Variants in DENND11 observed in about 807,000 individuals in gnomAD.
DENND11 encodes DENN domain containing 11.
A neutral mutation model predicts 49.2 loss-of-function variants in DENND11; 34 were observed. The ratio of observed to expected loss-of-function variants is 0.69; its 90% CI spans 0.53 to 0.92. The LOEUF (loss-of-function observed/expected upper bound fraction) is 0.92. DENND11 is among the 40% of genes least tolerant of loss of function. The pLI is 0.00. For missense variants in DENND11, 475 were observed against 581.6 expected, an observed-to-expected ratio of 0.82 and a Z score of 1.88; for synonymous variants, 238 against 230.3, an observed-to-expected ratio of 1.03 and a Z score of -0.30.
Position 141,670,801 on chromosome 7 carries a change from T to C in DENND11, c.681+3266A>G, listed in dbSNP as rs139581738. Among the ~76,000 whole-genome samples, 18 of 152,330 alleles carry C rather than the reference T, an allele frequency of 1.2e-4. No individual in the cohort carries two copies. In the East Asian group the frequency reaches 2.7e-3, roughly 23 times the overall value. ...GACTTACAATGTTTTCAACTTACAATAGGCTTATGGGGGTGTAACCCCACA... is the reference window on the plus strand; with the variant it reads ...GACTTACAATGTTTTCAACTTACAACAGGCTTATGGGGGTGTAACCCCACA... On this transcript the variant is annotated intron_variant, in intron 4 of 8. Transcript: ENST00000536163.
intron 8 of DENND11, chr7:141,663,172 T>C (rs961038494): frequency 1.2e-5 from 3 of 244,616 alleles, no homozygotes; most frequent in African/African-American, 4.5e-5. Flanking sequence ...AACACTGCTT[T>C]TCTCTCTTTC....
At position 141,662,641 on chromosome 7, in the gene DENND11, T is replaced by C; in HGVS notation, c.*15A>G. Reference sequence around the variant, plus strand: ...ACATCCCACGTGAAGTGGCTCCCAGTCCTGTTGGCTCCTCCTACGGGCAAC... The same window carrying C: ...ACATCCCACGTGAAGTGGCTCCCAGCCCTGTTGGCTCCTCCTACGGGCAAC... On this transcript the variant is annotated 3_prime_UTR_variant, in exon 9 of 9. Transcript: ENST00000536163. 6.5e-6 allele frequency: 10 copies of C among 1,543,886 alleles called. No individual in the cohort carries two copies. Among genetic ancestry groups the C allele is most frequent in the Non-Finnish European group, 8.7e-6 (10 of 1,145,302 alleles).
chr7:141,665,233 G>A lies in DENND11; in HGVS notation c.906C>T (p.Asn302=), dbSNP rs187701691. ...CCTCCAGGCTCTCGATGTCAGCCACGTTCACGTAGAAGAAAGGTTTGGACT... is the reference window on the plus strand; with the variant it reads ...CCTCCAGGCTCTCGATGTCAGCCACATTCACGTAGAAGAAAGGTTTGGACT... ...IPESKPFFYV[N]VADIESLEVE... The change falls in exon 6 of 9, where the codon AAC becomes AAT. Residue 302 remains asparagine (N), a synonymous_variant. Transcript: ENST00000536163. 1,389 of 1,613,432 alleles carry A rather than the reference G, an allele frequency of 8.6e-4. 24 individuals carry two copies. The Admixed American group carries it at 0.021, about 25-fold the overall frequency.
chr7:141,685,704 A>G (rs993066260), intron 2 of DENND11, 68 bp from the exon 3 acceptor site: 4 of 1,540,594 alleles, frequency 2.6e-6, no homozygotes, highest in African/African-American at 2.7e-5. Context: ...ATCCTAAACA[A>G]AACAAATGAA....
In DENND11 at chr7:141,659,207, T is replaced by C. The variant is rs1333701933; in HGVS notation, c.*3449A>G. ...TAACCAGGTGGAAGCACAGATGCTA[T>C]AATGGATGATGGATATGGAAGGCAA... On this transcript the variant is annotated 3_prime_UTR_variant, in exon 9 of 9. Coordinates refer to ENST00000536163, the MANE Select transcript of DENND11 (RefSeq NM_001080392.2). 3 of 152,242 alleles carry C rather than the reference T, an allele frequency of 2.0e-5. No individual in the cohort carries two copies. Among genetic ancestry groups the C allele is most frequent in the African/African-American group, 7.2e-5 (3 of 41,472 alleles). The allele number at this position is 152,242 out of a possible 1,614,324, so 9.4% of individuals were successfully genotyped here. A position where few individuals can be genotyped will look rare whatever the true frequency, so the allele number is the denominator to read the frequency against.
rs372979469 is a variant in DENND11, at chr7:141,685,561, G to T, written c.444C>A (p.Gly148=). The T allele has an allele frequency of 2.5e-6, 4 of 1,613,822 alleles. No individual in the cohort carries two copies. The highest frequency in any genetic ancestry group is 1.3e-5 in the African/African-American group (1 of 74,908). The change falls in exon 3 of 9, where the codon GGC becomes GGA. Residue 148 remains glycine (G), a synonymous_variant. Transcript: ENST00000536163. ...GGATGCCCACAGACTTCATCCGCGC[G>T]CCACGTTCCAGCTCGCTCTCCACGG... is the stretch of plus-strand genomic sequence containing the variant. The part of the protein sequence containing the change: ...NMPVESELER[G]ARMKSVGILS...
chr7:141,686,915 C>T (rs1798252642), intron 1 of DENND11, among the ~76,000 whole-genome samples: 1 of 152,166 alleles, frequency 6.6e-6, no homozygotes, highest in Non-Finnish European at 1.5e-5. Context: ...GCTGCGTTTG[C>T]TTCTGTCATT....
In DENND11 at chr7:141,659,236, C is replaced by T. The variant is rs549434015; in HGVS notation, c.*3420G>A. 6.6e-6 allele frequency: 1 copy of T among 152,188 alleles called. No homozygotes were observed. The highest frequency in any genetic ancestry group is 1.5e-5 in the Non-Finnish European group (1 of 68,036). The allele number at this position is 152,188 out of a possible 1,614,324, so 9.4% of individuals were successfully genotyped here. ...GGATGATGGATATGGAAGGCAAAAG[C>T]CTTCTAATTCATTGCAATCATAATT... On this transcript the variant is annotated 3_prime_UTR_variant, in exon 9 of 9. Transcript: ENST00000536163.
chr7:141,663,850 G>A, intron 8 of DENND11: 1 of 336,888 alleles, frequency 3.0e-6, no homozygotes, highest in African/African-American at 2.0e-5. Flanking sequence ...AGGAGGCAAT[G>A]GAAATGAGAA....
At chr7:141,699,923 C>A (rs981584807) in intron 1 of DENND11, among the ~76,000 whole-genome samples, 6 of 151,140 alleles carry the variant, frequency 4.0e-5, no homozygotes, top group Non-Finnish European at 7.4e-5. Flanking sequence ...CACTCACACA[C>A]ACACACACAC....
intron 4 of DENND11, among the ~76,000 whole-genome samples, chr7:141,670,586 C>T (rs535949517): frequency 6.6e-6 from 1 of 152,312 alleles, no homozygotes; most frequent in East Asian, 1.9e-4. Flanking sequence ...AAGTTTTCAA[C>T]TGTATGATGG....
chr7:141,685,729 G>C, intron 2 of DENND11, 93 bp from the exon 3 acceptor site: 1 of 1,358,664 alleles, frequency 7.4e-7, no homozygotes, highest in Non-Finnish European at 1.0e-6. Flanking sequence ...GTTCGGGGCT[G>C]TCAATGACAA....
intron 4 of DENND11, 141 bp downstream of exon 4, chr7:141,673,926 A>C: frequency 2.0e-6 from 2 of 1,005,810 alleles, no homozygotes; most frequent in Non-Finnish European, 2.9e-6. Context: ...CCAAATGCTT[A>C]TGTTGCAACT....
intron 4 of DENND11, among the ~76,000 whole-genome samples, chr7:141,669,333 C>T (rs1055898797): frequency 1.3e-5 from 2 of 151,594 alleles, no homozygotes; most frequent in South Asian, 2.1e-4. Flanking sequence ...CTGCAACCTC[C>T]GCCTCCTGGG....
At position 141,662,773 on chromosome 7, in the gene DENND11, T is replaced by C. The variant is rs1312373960; in HGVS notation, c.1251A>G (p.Ala417=). The C allele has an allele frequency of 6.2e-7, 1 of 1,608,278 alleles. No homozygotes were observed. The highest frequency in any genetic ancestry group is 8.5e-7 in the Non-Finnish European group (1 of 1,177,296). ...VSASQDKTLT[A]EHARGMGLDP... ...CTAGGCCCATGCCCCGGGCATGCTCTGCTGTCAGAGTTTTGTCTTGACTGG... is the reference window on the plus strand; with the variant it reads ...CTAGGCCCATGCCCCGGGCATGCTCCGCTGTCAGAGTTTTGTCTTGACTGG... Residue 417 remains alanine (A), a synonymous_variant, in exon 9 of 9, where the codon GCA becomes GCG. Transcript: ENST00000536163.
chr7:141,676,404 G>A (rs760741913), intron 3 of DENND11, among the ~76,000 whole-genome samples: 2 of 152,104 alleles, frequency 1.3e-5, no homozygotes, highest in East Asian at 3.9e-4. Flanking sequence ...CTGCTCAGTT[G>A]TCTTTTCTGT....
At chr7:141,664,528 T>C (rs535608971) in intron 7 of DENND11, among the ~76,000 whole-genome samples, 2 of 152,336 alleles carry the variant, frequency 1.3e-5, no homozygotes, top group South Asian at 4.1e-4. Context: ...ATCAGATACA[T>C]ATAAGCAAGC....
chr7:141,694,286 T>A (rs1033906615), intron 1 of DENND11, among the ~76,000 whole-genome samples: 2 of 152,108 alleles, frequency 1.3e-5, no homozygotes, highest in East Asian at 1.9e-4. Flanking sequence ...TTTATTTTAT[T>A]AAGAGACAGG....
At chr7:141,690,141 A>C (rs998846060) in intron 1 of DENND11, among the ~76,000 whole-genome samples, 1 of 152,206 alleles carries the variant, frequency 6.6e-6, no homozygotes, top group Non-Finnish European at 1.5e-5. Flanking sequence ...CAGAAGGTCC[A>C]CTGCATAGCT....
Sources: gnomAD v4.1 joint callset for allele counts (sites outside exome capture counted in the v4.1 genomes callset) on GRCh38, gnomAD v4.1.1 for gene constraint, MANE v1.5 for transcripts, NCBI Gene and HGNC (gene_info 2026-07-23, HGNC 2026-07-21) for gene names.